The following PTPRR variants were observed in gnomAD, a reference collection of about 807,000 sequenced individuals.
PTPRR encodes the protein receptor-type tyrosine-protein phosphatase R.
Under a neutral mutation model 77.2 loss-of-function variants are expected in PTPRR, and 38 were observed. The ratio of observed to expected loss-of-function variants is 0.49; its 90% confidence interval spans 0.38 to 0.65. The LOEUF (loss-of-function observed/expected upper bound fraction) is 0.65. PTPRR is among the 30% of genes least tolerant of loss of function. PTPRR has a pLI of 0.00. For missense variants in PTPRR, 744 were observed against 799.2 expected (o/e 0.93, Z 0.83); for synonymous variants, 299 against 283.1 (o/e 1.06, Z -0.57).
intron 13 of PTPRR, 145 bp from the exon 14 acceptor site, chr12:70,639,422 G>A (rs1170248673): frequency 1.5e-6 from 2 of 1,369,132 alleles, no homozygotes; most frequent in African/African-American, 2.9e-5. Flanking sequence ...CCTCTTACCT[G>A]TGTCCAAATG....
At chr12:70,719,807 C>T (rs1360086285) in intron 6 of PTPRR, among the ~76,000 whole-genome samples, 1 of 152,196 alleles carries the variant, frequency 6.6e-6, no homozygotes, top group Non-Finnish European at 1.5e-5. Flanking sequence ...GGCTGCTCCA[C>T]GTCAGCTTTA....
At chr12:70,741,621 A>C (rs1890049366) in intron 6 of PTPRR, among the ~76,000 whole-genome samples, 1 of 152,110 alleles carries the variant, frequency 6.6e-6, no homozygotes, top group Admixed American at 6.6e-5. Flanking sequence ...TCTAAAGGCC[A>C]GGACTTTGGT....
At chr12:70,914,612 A>G (rs1893747422) in intron 1 of PTPRR, among the ~76,000 whole-genome samples, 1 of 152,178 alleles carries the variant, frequency 6.6e-6, no homozygotes, top group Admixed American at 6.5e-5. Flanking sequence ...GTTAGGGAAT[A>G]TTTATCAGAG....
chr12:70,905,637 A>T (rs909497738), intron 1 of PTPRR, among the ~76,000 whole-genome samples: 1 of 151,994 alleles, frequency 6.6e-6, no homozygotes, highest in Non-Finnish European at 1.5e-5. Context: ...AGAGAAATGA[A>T]TGAAATTACA....
chr12:70,772,121 C>T (rs1171904400), intron 2 of PTPRR, among the ~76,000 whole-genome samples: 1 of 152,112 alleles, frequency 6.6e-6, no homozygotes, highest in Non-Finnish European at 1.5e-5. Context: ...TTCAAAAATG[C>T]ATCATTAATC....
chr12:70,859,910 C>T (rs1425514248), intron 2 of PTPRR, among the ~76,000 whole-genome samples: 4 of 152,064 alleles, frequency 2.6e-5, no homozygotes, highest in Admixed American at 2.0e-4. Context: ...TTGATCTCAA[C>T]TCATAGCTTA....
intron 6 of PTPRR, among the ~76,000 whole-genome samples, chr12:70,735,416 G>A (rs948942842): frequency 6.6e-6 from 1 of 152,160 alleles, no homozygotes; most frequent in Non-Finnish European, 1.5e-5. Flanking sequence ...GTGTGCAAGG[G>A]ACCTGCCCTT....
intron 13 of PTPRR, among the ~76,000 whole-genome samples, chr12:70,652,198 C>T (rs1284921392): frequency 2.0e-5 from 3 of 152,068 alleles, no homozygotes; most frequent in African/African-American, 7.2e-5. Context: ...CCTTTACTGC[C>T]ATGAGCCAAA....
intron 6 of PTPRR, among the ~76,000 whole-genome samples, chr12:70,737,539 G>A (rs1490827033): frequency 1.8e-5 from 2 of 111,550 alleles, no homozygotes; most frequent in Non-Finnish European, 3.8e-5. Flanking sequence ...TCTATCTTTC[G>A]AGACAAAGTC....
chr12:70,668,508 C>T (rs1169333780), intron 10 of PTPRR, among the ~76,000 whole-genome samples: 1 of 152,130 alleles, frequency 6.6e-6, no homozygotes, highest in Non-Finnish European at 1.5e-5. Context: ...TTCTAGATTA[C>T]CTTTTACTCT....
intron 6 of PTPRR, among the ~76,000 whole-genome samples, chr12:70,720,699 G>T (rs530180876): frequency 1.3e-5 from 2 of 151,972 alleles, no homozygotes; most frequent in African/African-American, 4.8e-5. Flanking sequence ...GCCCAGGCTG[G>T]TCTTGAACTG....
intron 2 of PTPRR, among the ~76,000 whole-genome samples, chr12:70,877,716 A>G: frequency 6.6e-6 from 1 of 152,146 alleles, no homozygotes; most frequent in Non-Finnish European, 1.5e-5. Flanking sequence ...TCAAGCTACC[A>G]ATGACTTTCT....
chr12:70,849,287 C>T (rs985284394), intron 2 of PTPRR, among the ~76,000 whole-genome samples: 2 of 152,082 alleles, frequency 1.3e-5, no homozygotes, highest in Non-Finnish European at 2.9e-5. Context: ...CAGAAGTAGA[C>T]TGGCTGCTTT....
intron 13 of PTPRR, among the ~76,000 whole-genome samples, chr12:70,649,679 A>G (rs1262076142): frequency 8.5e-5 from 13 of 152,116 alleles, no homozygotes; most frequent in South Asian, 2.1e-4. Context: ...GGTTCCAGCA[A>G]TTCTCCTGCC....
At chr12:70,895,414 G>A (rs566867711) in intron 1 of PTPRR, among the ~76,000 whole-genome samples, 10 of 151,388 alleles carry the variant, frequency 6.6e-5, no homozygotes, top group South Asian at 4.2e-4. Context: ...TTGGCCTACC[G>A]AGAAAGGGAC....
intron 1 of PTPRR, among the ~76,000 whole-genome samples, chr12:70,898,398 T>A (rs1893472219): frequency 6.6e-6 from 1 of 150,594 alleles, no homozygotes; most frequent in African/African-American, 2.4e-5. Context: ...TGTTCTCTTA[T>A]TTATATTGTT....
intron 6 of PTPRR, among the ~76,000 whole-genome samples, chr12:70,709,681 T>A (rs2136809609): frequency 6.6e-6 from 1 of 152,230 alleles, no homozygotes; most frequent in Admixed American, 6.6e-5. Flanking sequence ...TCACTAGCAT[T>A]CTTGTACACC....
At chr12:70,751,625 C>T (rs1368034904) in intron 5 of PTPRR, among the ~76,000 whole-genome samples, 1 of 152,134 alleles carries the variant, frequency 6.6e-6, no homozygotes, top group Non-Finnish European at 1.5e-5. Flanking sequence ...TGCTCTGCTC[C>T]ACTCACTCAT....
chr12:70,911,738 A>G (rs1247978058), intron 1 of PTPRR, among the ~76,000 whole-genome samples: 1 of 140,518 alleles, frequency 7.1e-6, no homozygotes, highest in African/African-American at 2.9e-5. Flanking sequence ...ACTATCAAGA[A>G]AAGGCTCAAC....
Sources: gnomAD v4.1 joint callset for allele counts (sites outside exome capture counted in the v4.1 genomes callset) on GRCh38, gnomAD v4.1.1 for gene constraint, MANE v1.5 for transcripts, NCBI Gene and HGNC (gene_info 2026-07-23, HGNC 2026-07-21) for gene names.